UBAP1: variants seen among roughly 807,000 people sequenced by gnomAD.
UBAP1 encodes ubiquitin associated protein 1.
UBAP1 carries 5 observed loss-of-function variants against 39.0 expected under a neutral mutation model. The ratio of observed to expected loss-of-function variants is 0.13; its 90% confidence interval spans 0.07 to 0.27. The LOEUF is 0.27. Among genes scored for constraint, UBAP1 ranks in the 10% least tolerant of loss-of-function variants. The pLI, the probability that UBAP1 is intolerant of heterozygous loss-of-function variation, is 1.00. For missense variants in UBAP1, 490 were observed against 608.1 expected, an observed-to-expected ratio of 0.81 and a Z score of 2.04; for synonymous variants, 211 against 225.1, an observed-to-expected ratio of 0.94 and a Z score of 0.56.
chr9:34,180,061 C>T (rs1829929248), intron 1 of UBAP1, among the ~76,000 whole-genome samples: 1 of 152,140 alleles, frequency 6.6e-6, no homozygotes, highest in Non-Finnish European at 1.5e-5. Flanking sequence ...TAACTTTACT[C>T]GTTAGTGCTT....
intron 2 of UBAP1, among the ~76,000 whole-genome samples, chr9:34,225,213 ATG>A (rs1832980799): frequency 1.3e-5 from 2 of 152,098 alleles, no homozygotes; most frequent in African/African-American, 4.8e-5. Context: ...GGATATTAAA[ATG>A]TATTTTTTTT....
chr9:34,200,980 G>A (rs1831337154), intron 1 of UBAP1, among the ~76,000 whole-genome samples: 1 of 152,096 alleles, frequency 6.6e-6, no homozygotes, highest in African/African-American at 2.4e-5. Flanking sequence ...CGTGATCTTG[G>A]CTCACCGCAA....
intron 1 of UBAP1, among the ~76,000 whole-genome samples, chr9:34,199,506 T>C (rs1313672261): frequency 6.6e-6 from 1 of 152,246 alleles, no homozygotes; most frequent in Non-Finnish European, 1.5e-5. Flanking sequence ...CAGTTTTCCC[T>C]AATGTTAACC....
intron 3 of UBAP1, among the ~76,000 whole-genome samples, chr9:34,239,399 G>A (rs994107657): frequency 2.6e-5 from 4 of 152,288 alleles, no homozygotes; most frequent in East Asian, 3.9e-4. Flanking sequence ...GGTCCCCTCC[G>A]TACCCAGAGA....
chr9:34,226,977 A>G (rs1833142488), intron 2 of UBAP1, among the ~76,000 whole-genome samples: 1 of 152,072 alleles, frequency 6.6e-6, no homozygotes, highest in African/African-American at 2.4e-5. Flanking sequence ...CCTTTAACAT[A>G]TTTATTATTG....
At chr9:34,184,926 C>CT (rs35634769) in intron 1 of UBAP1, among the ~76,000 whole-genome samples, 8,804 of 102,706 alleles carry the variant, frequency 0.086, 783 homozygotes, top group Non-Finnish European at 0.12. Context: ...CCAGCCAATC[C>CT]TTTTTTTTTT....
At position 34,251,519 on chromosome 9, in the gene UBAP1, C is replaced by T. The variant is rs1251914265; in HGVS notation, c.1496C>T (p.Ala499Val). ...DNALEDLMAR[A>V]GAS ...GCTTTGGAAGACCTCATGGCTCGGG[C>T]AGGAGCCAGCTGAGACCAGGCCCTG... is the stretch of plus-strand genomic sequence containing the variant. Residue 499 changes from alanine to valine, a missense_variant, in exon 7 of 7, where the codon GCA becomes GTA. By Grantham distance (64) the Ala-to-Val change is moderately conservative. Transcript: ENST00000297661. The T allele has an allele frequency of 1.9e-6, 3 of 1,613,984 alleles. No individual in the cohort carries two copies. The highest frequency in any genetic ancestry group is 3.3e-5 in the Admixed American group (2 of 60,016).
At position 34,241,741 on chromosome 9, in the gene UBAP1, A is replaced by G. The variant is rs763253925; in HGVS notation, c.716A>G (p.Gln239Arg). The G allele has an allele frequency of 1.2e-5, 20 of 1,613,898 alleles. No individual in the cohort carries two copies. In the Admixed American group the frequency reaches 3.3e-4, roughly 27 times the overall value. Residue 239 changes from glutamine (Q) to arginine (R), a missense_variant, in exon 4 of 7, where the codon CAG (glutamine) becomes CGG (arginine). Gln to Arg is a conservative substitution (Grantham distance 43, BLOSUM62 1). Around this residue, in one of 3 missense-constraint regions of UBAP1, gnomAD observed 339 missense variants for 390.0 expected, o/e 0.87. Transcript: ENST00000297661. ...HKPNGFITLP[Q>R]LGNCEKMSLS... ...CCCAATGGCTTTATAACCTTACCAC[A>G]GTTGGGCAACTGTGAAAAGATGTCA...
chr9:34,215,354 C>T (rs1294474528), intron 1 of UBAP1, among the ~76,000 whole-genome samples: 1 of 151,764 alleles, frequency 6.6e-6, no homozygotes, highest in Non-Finnish European at 1.5e-5. Flanking sequence ...GAATACTGCT[C>T]AGCTGTAAAA....
chr9:34,182,681 T>TCTTTCTCTCTC (rs1554645042), intron 1 of UBAP1, among the ~76,000 whole-genome samples: 1 of 115,496 alleles, frequency 8.7e-6, no homozygotes, highest in African/African-American at 3.4e-5. Flanking sequence ...CTTTCTTTCT[T>TCTTTCTCTCTC]TCTCTCTCTC....
At chr9:34,237,268 A>G (rs1355898315) in intron 3 of UBAP1, among the ~76,000 whole-genome samples, 1 of 152,180 alleles carries the variant, frequency 6.6e-6, no homozygotes, top group Non-Finnish European at 1.5e-5. Flanking sequence ...CACTGCCCTC[A>G]AGGTACTTAC....
chr9:34,182,278 A>C (rs1830086405), intron 1 of UBAP1, among the ~76,000 whole-genome samples: 2 of 150,032 alleles, frequency 1.3e-5, no homozygotes, highest in Admixed American at 1.3e-4. Flanking sequence ...TCCATTTCCC[A>C]GGTTCAAGTG....
intron 1 of UBAP1, among the ~76,000 whole-genome samples, chr9:34,182,633 TTCTTTC>T (rs1830118064): frequency 3.5e-5 from 2 of 57,908 alleles, no homozygotes; most frequent in Non-Finnish European, 4.4e-5. Flanking sequence ...CTTTCTTTCT[TTCTTTC>T]TTTCTTTCTT....
chr9:34,214,210 C>G (rs1832174081), intron 1 of UBAP1, among the ~76,000 whole-genome samples: 1 of 152,052 alleles, frequency 6.6e-6, no homozygotes, highest in South Asian at 2.1e-4. Flanking sequence ...CCTGCATAGC[C>G]AAAGCAAGAC....
At chr9:34,239,740 A>G (rs956677636) in intron 3 of UBAP1, among the ~76,000 whole-genome samples, 3 of 152,164 alleles carry the variant, frequency 2.0e-5, no homozygotes, top group African/African-American at 7.2e-5. Context: ...GATGAGGATG[A>G]TTAGCTTTTA....
chr9:34,237,429 G>C (rs1359143426), intron 3 of UBAP1, among the ~76,000 whole-genome samples: 1 of 152,094 alleles, frequency 6.6e-6, no homozygotes, highest in Middle Eastern at 3.4e-3. Context: ...ATTCTAAAAG[G>C]TATTACTTTT....
chr9:34,234,507 G>A (rs745474132), intron 3 of UBAP1, among the ~76,000 whole-genome samples, 167 bp downstream of exon 3: 7 of 152,176 alleles, frequency 4.6e-5, no homozygotes, highest in Non-Finnish European at 1.0e-4. Context: ...GGGGCTGGGC[G>A]TGGTGGCTCA....
chr9:34,200,215 A>G (rs1357580942), intron 1 of UBAP1, among the ~76,000 whole-genome samples: 1 of 152,160 alleles, frequency 6.6e-6, no homozygotes, highest in African/African-American at 2.4e-5. Context: ...TGAAATCAGT[A>G]TGGACTTGAG....
At chr9:34,238,621 C>T (rs1216853241) in intron 3 of UBAP1, among the ~76,000 whole-genome samples, 2 of 152,118 alleles carry the variant, frequency 1.3e-5, no homozygotes, top group African/African-American at 2.4e-5. Context: ...TGTCAAGCAT[C>T]TTAAGTATCT....
Sources: gnomAD v4.1 joint callset for allele counts (sites outside exome capture counted in the v4.1 genomes callset) on GRCh38, gnomAD v4.1.1 for gene constraint, gnomAD v4.1.1 regional missense constraint, MANE v1.5 for transcripts, NCBI Gene and HGNC (gene_info 2026-07-23, HGNC 2026-07-21) for gene names.